The following SERPINB5 variants were observed in gnomAD, a reference collection of about 807,000 sequenced individuals.
SERPINB5 encodes serpin B5.
In SERPINB5, 27 loss-of-function variants were observed where a neutral mutation model predicts 32.2. The observed-to-expected ratio is 0.84, with a 90% CI of 0.62 to 1.16. SERPINB5 has a LOEUF of 1.16. Ranked by LOEUF, SERPINB5 falls within the 50% of genes most tolerant of loss-of-function variation. The pLI is 0.00. For missense variants in SERPINB5, 388 were observed against 436.3 expected (o/e 0.89, Z 0.99); for synonymous variants, 154 against 157.4 (o/e 0.98, Z 0.16).
At chr18:63,502,186 A>C (rs1349241980) in intron 6 of SERPINB5, among the ~76,000 whole-genome samples, 2 of 146,182 alleles carry the variant, frequency 1.4e-5, no homozygotes, top group Admixed American at 1.4e-4. Context: ...CCCAGGCTGG[A>C]GTGCAGTGGC....
At chr18:63,478,903 G>A (rs1046637804) in intron 1 of SERPINB5, among the ~76,000 whole-genome samples, 4 of 152,032 alleles carry the variant, frequency 2.6e-5, no homozygotes, top group Non-Finnish European at 5.9e-5. Flanking sequence ...GGGATGACAG[G>A]CACGTGCCAC....
chr18:63,481,318 T>C (rs1408691248), intron 1 of SERPINB5, among the ~76,000 whole-genome samples: 10 of 152,262 alleles, frequency 6.6e-5, no homozygotes, highest in Non-Finnish European at 1.5e-4. Context: ...GATCCATTTG[T>C]AGGTGTTTGC....
intron 5 of SERPINB5, 80 bp from the exon 6 acceptor site, chr18:63,499,034 TGCGCGC>T (rs71821111): frequency 1.8e-5 from 10 of 544,262 alleles, no homozygotes; most frequent in South Asian, 5.4e-5. Flanking sequence ...TGTGTGTGTG[TGCGCGC>T]GTGTGTGTAT....
chr18:63,500,461 A>G (rs1408263136), intron 6 of SERPINB5, among the ~76,000 whole-genome samples: 1 of 152,078 alleles, frequency 6.6e-6, no homozygotes, highest in Non-Finnish European at 1.5e-5. Context: ...TGCAGATACT[A>G]TTTTATAGTA....
At chr18:63,479,662 G>GTCATC (rs1917094899) in intron 1 of SERPINB5, among the ~76,000 whole-genome samples, 1 of 152,084 alleles carries the variant, frequency 6.6e-6, no homozygotes. Context: ...ACTTAAAACA[G>GTCATC]TCATCATACC....
rs1232575608 is a variant in SERPINB5 at position 63,477,000 on chromosome 18, T to C, written c.-53T>C. ...CATCCAGGTCTTTGTGCTCCTCGCT[T>C]GCCTGTTCCTTTTCCACGCATTTTC... is the stretch of plus-strand genomic sequence containing the variant. On this transcript the variant is annotated 5_prime_UTR_variant, in exon 1 of 7. Coordinates refer to ENST00000382771, the MANE Select transcript of SERPINB5 (RefSeq NM_002639.5). 6.6e-6 allele frequency: 1 copy of C among 152,362 alleles called. No individual in the cohort carries two copies. The highest frequency in any genetic ancestry group is 1.5e-5 in the Non-Finnish European group (1 of 68,122). 9.4% of individuals were successfully genotyped at this position (152,362 alleles called of 1,614,324 possible).
At chr18:63,481,230 G>A (rs559251079) in intron 1 of SERPINB5, among the ~76,000 whole-genome samples, 2 of 152,296 alleles carry the variant, frequency 1.3e-5, no homozygotes, top group African/African-American at 4.8e-5. Context: ...TCAAAATGTT[G>A]TGACAAGTGA....
At position 63,487,074 on chromosome 18, in the gene SERPINB5, T is replaced by G. The variant is rs371320466; in HGVS notation, c.297T>G (p.Asn99Lys). The G allele has an allele frequency of 6.2e-6, 10 of 1,613,398 alleles. No homozygotes were observed. In the African/African-American group the frequency reaches 1.3e-4, roughly 22 times the overall value. ...GGCTCTACGTAGACAAATCTCTGAA[T>G]CTTTCTACAGTAAGTTGTTTAAAGC... ...IKRLYVDKSL[N>K]LSTEFISSTK... Residue 99 changes from asparagine (N) to lysine (K), a missense_variant, in exon 3 of 7, where the codon AAT becomes AAG. Coordinates refer to ENST00000382771, the MANE Select transcript of SERPINB5 (RefSeq NM_002639.5).
chr18:63,489,219 CATA>C (rs1382151250), intron 3 of SERPINB5, 125 bp from the exon 4 acceptor site: 10 of 508,410 alleles, frequency 2.0e-5, no homozygotes, highest in Admixed American at 3.6e-5. Context: ...GGTTTCAATT[CATA>C]TAGTGTTACC....
chr18:63,497,373 C>T (rs538028417), intron 5 of SERPINB5: 60 of 1,266,134 alleles, frequency 4.7e-5, no homozygotes, highest in East Asian at 4.1e-4. Context: ...GTTTGATGGT[C>T]GCCTTCCTTA....
intron 5 of SERPINB5, 67 bp downstream of exon 5, chr18:63,493,162 G>A (rs1379855542): frequency 4.4e-6 from 7 of 1,603,084 alleles, no homozygotes; most frequent in South Asian, 1.1e-5. Flanking sequence ...TAGGGACAGA[G>A]TGGGGCATAA....
intron 6 of SERPINB5, among the ~76,000 whole-genome samples, chr18:63,500,890 A>C (rs1185204968): frequency 6.6e-6 from 1 of 150,696 alleles, no homozygotes; most frequent in Non-Finnish European, 1.5e-5. Context: ...TCTTTGGTGC[A>C]TTACTCTCTC....
rs766152603 is a variant in SERPINB5 at position 63,486,946 on chromosome 18, G to C, written c.169G>C (p.Val57Leu). Residue 57 changes from valine (V) to leucine (L), a missense_variant and splice_region_variant, in exon 3 of 7, where the codon GTT becomes CTT. Transcript: ENST00000382771. Reference protein sequence around the residue: ...KGDTANEIGQVLHFENVKDVP... With the variant: ...KGDTANEIGQLLHFENVKDVP... ...GGGTAACGGATTTTTCTCTTAACAGGTTCTTCATTTTGAAAATGTCAAAGA... is the reference window on the plus strand; with the variant it reads ...GGGTAACGGATTTTTCTCTTAACAGCTTCTTCATTTTGAAAATGTCAAAGA... 6 of 1,613,846 alleles carry C rather than the reference G, an allele frequency of 3.7e-6. No individual in the cohort carries two copies. In the South Asian group the frequency reaches 5.5e-5, roughly 15 times the overall value.
intron 2 of SERPINB5, 143 bp downstream of exon 2, chr18:63,484,739 A>AAC: frequency 2.1e-5 from 3 of 144,456 alleles, no homozygotes; most frequent in Admixed American, 1.2e-4. Flanking sequence ...GACTCTCTTA[A>AAC]TCTTTTTTTT....
chr18:63,498,286 T>C lies in SERPINB5; in HGVS notation c.568-834T>C, dbSNP rs1909491789. The stretch of plus-strand genomic sequence containing the variant: ...TGTATTTTTTAGTAGAGACAAGGTT[T>C]CACCATGTTGGCCAGGCTGGTCTTG... On this transcript the variant is annotated intron_variant, in intron 5 of 6. Transcript: ENST00000382771. This position sits in a 1 kb window ranked among gnomAD's most constrained non-coding sequence, Gnocchi z 4.2. Among the ~76,000 whole-genome samples the C allele has an allele frequency of 6.6e-6, 1 of 152,196 alleles. No individual in the cohort carries two copies. The highest frequency in any genetic ancestry group is 1.5e-5 in the Non-Finnish European group (1 of 68,034).
intron 5 of SERPINB5, among the ~76,000 whole-genome samples, chr18:63,496,361 GT>G (rs1208555511): frequency 6.6e-6 from 1 of 152,152 alleles, no homozygotes; most frequent in African/African-American, 2.4e-5. Flanking sequence ...AAAGTAGTAT[GT>G]TTTCCTATAA....
chr18:63,488,404 TTTTGTTTTTTTCCTTGGAGATGG>T (rs1360350231), intron 3 of SERPINB5, among the ~76,000 whole-genome samples: 1 of 152,200 alleles, frequency 6.6e-6, no homozygotes, highest in Non-Finnish European at 1.5e-5. Flanking sequence ...TAAAGTTTTG[TTTTGTTTTTTTCCTTGGAGATGG>T]AGTCTTTCTC....
chr18:63,503,875 A>C lies in SERPINB5; in HGVS notation c.*153A>C. 1 of 677,734 alleles carries C rather than the reference A, an allele frequency of 1.5e-6. No individual in the cohort carries two copies. The highest frequency in any genetic ancestry group is 2.4e-6 in the Non-Finnish European group (1 of 410,354). 42.0% of individuals were successfully genotyped at this position (677,734 alleles called of 1,614,324 possible). ...TACTTGTCATATGTAGCCTTCACAC[A>C]GATAGACCTTTTTTTTTTTTCCAAT... On this transcript the variant is annotated 3_prime_UTR_variant, in exon 7 of 7. Coordinates refer to ENST00000382771, the MANE Select transcript of SERPINB5 (RefSeq NM_002639.5).
chr18:63,478,925 A>G (rs1018320954), intron 1 of SERPINB5, among the ~76,000 whole-genome samples: 1 of 151,906 alleles, frequency 6.6e-6, no homozygotes, highest in Non-Finnish European at 1.5e-5. Context: ...ACGCCCGGCT[A>G]ATTTCTATAT....
Sources: gnomAD v4.1 joint callset for allele counts (sites outside exome capture counted in the v4.1 genomes callset) on GRCh38, gnomAD v4.1.1 for gene constraint, Gnocchi (gnomAD v3.1) non-coding constraint, MANE v1.5 for transcripts, NCBI Gene and HGNC (gene_info 2026-07-23, HGNC 2026-07-21) for gene names.